TRIQK: variants seen among roughly 807,000 people sequenced by gnomAD.
The protein encoded by TRIQK is triple QxxK/R motif-containing protein.
In TRIQK, 10 loss-of-function variants were observed where a neutral mutation model predicts 10.8. That is an observed-to-expected ratio of 0.92 (90% CI 0.57 to 1.57). The LOEUF is 1.57. Ranked by LOEUF, TRIQK falls within the 40% of genes most tolerant of loss-of-function variation. TRIQK has a pLI of 0.00. For synonymous variants in TRIQK, 33 were observed against 33.7 expected, an observed-to-expected ratio of 0.98 and a Z score of 0.07; for missense variants, 107 against 97.7, an observed-to-expected ratio of 1.09 and a Z score of -0.40.
intron 3 of TRIQK, among the ~76,000 whole-genome samples, chr8:92,911,685 G>T (rs1809575569): frequency 6.6e-6 from 1 of 150,392 alleles, no homozygotes; most frequent in Non-Finnish European, 1.5e-5. Flanking sequence ...GATGAAGAAG[G>T]TCATTACATA....
chr8:92,906,554 A>T (rs952607694), intron 3 of TRIQK, among the ~76,000 whole-genome samples: 1 of 152,064 alleles, frequency 6.6e-6, no homozygotes, highest in Non-Finnish European at 1.5e-5. Context: ...GCCTGAACCT[A>T]TATTTCTTTG....
At chr8:92,966,795 A>G (rs753824738), upstream of TRIQK, among the ~76,000 whole-genome samples, 17 of 152,274 alleles carry the variant, frequency 1.1e-4, no homozygotes, top group Middle Eastern at 3.4e-3. Flanking sequence ...TTATTCAACC[A>G]TTCAACAAAT....
chr8:92,932,270 T>C (rs1810766698), intron 2 of TRIQK, among the ~76,000 whole-genome samples: 1 of 152,158 alleles, frequency 6.6e-6, no homozygotes. Context: ...AGGTCCTATA[T>C]AACTACCCCT....
upstream of TRIQK, among the ~76,000 whole-genome samples, chr8:92,967,402 T>C (rs540056263): frequency 6.6e-6 from 1 of 152,290 alleles, no homozygotes; most frequent in African/African-American, 2.4e-5. Context: ...CAATTACAAA[T>C]AATTTTACAC....
At chr8:92,897,613 T>C (rs2130313508) in intron 3 of TRIQK, among the ~76,000 whole-genome samples, 1 of 152,238 alleles carries the variant, frequency 6.6e-6, no homozygotes, top group South Asian at 2.1e-4. Context: ...CTTTCCAGAC[T>C]CCAGAACTTT....
chr8:92,924,683 A>G (rs150404182), intron 2 of TRIQK, among the ~76,000 whole-genome samples: 188 of 152,068 alleles, frequency 1.2e-3, no homozygotes, highest in African/African-American at 4.3e-3. Context: ...GAAGTGGACA[A>G]GGTATACACA....
At chr8:92,984,191 A>G (rs1261765847) in intron 1 of TRIQK, among the ~76,000 whole-genome samples, 2 of 152,132 alleles carry the variant, frequency 1.3e-5, no homozygotes, top group East Asian at 3.8e-4. Context: ...CATCAAGTCT[A>G]TTAGCATCCC....
intron 3 of TRIQK, among the ~76,000 whole-genome samples, chr8:92,908,054 T>C (rs905764978): frequency 5.9e-5 from 9 of 152,152 alleles, no homozygotes; most frequent in African/African-American, 2.2e-4. Flanking sequence ...GACTTTTTCA[T>C]GGGAGCTTCC....
Position 92,916,937 on chromosome 8 carries a change from T to G in TRIQK, c.53A>C (p.Lys18Thr). Residue 18 changes from lysine to threonine, a missense_variant, in exon 3 of 5, where the codon AAA becomes ACA. Physicochemically the swap from Lys to Thr is moderately conservative, Grantham distance 78 (BLOSUM62 -1). Transcript: ENST00000521988. ...TIKLPVDQYR[K>T]QIGKQDYKKT... The stretch of plus-strand genomic sequence containing the variant: ...GATAATTCATTGCTTACCAATTTGT[T>G]TTCTGTACTGATCAACAGGAAGTTT... 6.7e-7 allele frequency: 1 copy of G among 1,498,006 alleles called. No individual in the cohort carries two copies. 92.8% of individuals were successfully genotyped at this position (1,498,006 alleles called of 1,614,324 possible).
chr8:92,988,960 C>A (rs1204505261), intron 1 of TRIQK, among the ~76,000 whole-genome samples: 1 of 151,864 alleles, frequency 6.6e-6, no homozygotes, highest in Admixed American at 6.6e-5. Flanking sequence ...AGCAGGTATG[C>A]AAAAACTATT....
At chr8:92,898,139 T>C (rs754534765) in intron 3 of TRIQK, among the ~76,000 whole-genome samples, 1 of 152,156 alleles carries the variant, frequency 6.6e-6, no homozygotes, top group Non-Finnish European at 1.5e-5. Context: ...TTGTTGTTCA[T>C]TGTTTTTGTC....
At chr8:92,988,482 T>C (rs1813061148) in intron 1 of TRIQK, among the ~76,000 whole-genome samples, 1 of 152,216 alleles carries the variant, frequency 6.6e-6, no homozygotes, top group South Asian at 2.1e-4. Flanking sequence ...GGGTACTATA[T>C]TGGTTTGCTA....
chr8:93,004,807 C>T (rs980322715), intron 1 of TRIQK, among the ~76,000 whole-genome samples: 7 of 152,246 alleles, frequency 4.6e-5, no homozygotes, highest in Admixed American at 2.0e-4. Context: ...CCACCAGCCT[C>T]ATTGCTAAAG....
intron 3 of TRIQK, among the ~76,000 whole-genome samples, chr8:92,899,698 G>A (rs117927749): frequency 0.013 from 1,937 of 152,296 alleles, 26 homozygotes; most frequent in Non-Finnish European, 0.021. Flanking sequence ...TGTGAATAGT[G>A]CTGCAATAAA....
chr8:92,965,975 C>T (rs1190360700), intron 1 of TRIQK, 32 bp downstream of exon 1: 1 of 152,854 alleles, frequency 6.5e-6, no homozygotes, highest in Non-Finnish European at 1.5e-5. Flanking sequence ...GGCAGGGTCT[C>T]CCCAATCCCC....
chr8:92,906,903 A>T (rs1809296277), intron 3 of TRIQK, among the ~76,000 whole-genome samples: 1 of 152,028 alleles, frequency 6.6e-6, no homozygotes, highest in African/African-American at 2.4e-5. Context: ...AAAAAGAAAA[A>T]AAAAAAAATA....
chr8:92,970,324 G>T (rs973312057), upstream of TRIQK, among the ~76,000 whole-genome samples: 5 of 152,194 alleles, frequency 3.3e-5, no homozygotes, highest in Non-Finnish European at 7.3e-5. Flanking sequence ...TGGGATTGCT[G>T]AGTGGAATGG....
chr8:93,012,443 T>TATGTAGATGCC (rs1813344505), intron 1 of TRIQK, among the ~76,000 whole-genome samples: 1 of 152,116 alleles, frequency 6.6e-6, no homozygotes, highest in African/African-American at 2.4e-5. Flanking sequence ...GATCCAGCGT[T>TATGTAGATGCC]TTCAGAAAAG....
At chr8:92,887,251 A>T (rs1440330373) in intron 4 of TRIQK, among the ~76,000 whole-genome samples, 2 of 151,440 alleles carry the variant, frequency 1.3e-5, no homozygotes, top group Non-Finnish European at 3.0e-5. Context: ...ATACTCATTA[A>T]ATGTGACTTT....
Sources: allele counts gnomAD v4.1 joint callset (sites outside exome capture counted in the v4.1 genomes callset), GRCh38; gene constraint gnomAD v4.1.1; transcripts MANE v1.5; gene names NCBI Gene and HGNC (gene_info 2026-07-23, HGNC 2026-07-21).